Variants in CHODL observed in about 807,000 individuals in gnomAD.
CHODL encodes transmembrane protein MT75.
In CHODL, 29 loss-of-function variants were observed where a neutral mutation model predicts 34.5. That is an observed-to-expected ratio of 0.84 (90% confidence interval 0.63 to 1.15). The LOEUF is 1.15. Among genes scored for constraint, CHODL ranks in the 50% most tolerant of loss-of-function variants. The pLI is 0.00. For missense variants in CHODL, 332 were observed against 332.5 expected, an observed-to-expected ratio of 1.00 and a Z score of 0.01; for synonymous variants, 125 against 116.1, an observed-to-expected ratio of 1.08 and a Z score of -0.49.
At chr21:18,248,772 A>G (rs2074187754) in intron 1 of CHODL, among the ~76,000 whole-genome samples, 1 of 120,174 alleles carries the variant, frequency 8.3e-6, no homozygotes, top group Non-Finnish European at 1.6e-5. Context: ...GTTATATATA[A>G]TATATGTGTG....
chr21:18,027,795 C>T (rs895269663), intron 1 of CHODL: 5 of 152,354 alleles, frequency 3.3e-5, no homozygotes, highest in Non-Finnish European at 7.4e-5. Context: ...AGAGGAGAGC[C>T]CTCATGAATG....
intron 2 of CHODL, among the ~76,000 whole-genome samples, chr21:18,074,506 G>T (rs1384777624): frequency 6.6e-6 from 1 of 152,146 alleles, no homozygotes. Flanking sequence ...TTGCTATAAA[G>T]AATAGATGAT....
intron 1 of CHODL, among the ~76,000 whole-genome samples, chr21:17,991,550 T>C (rs1415913720): frequency 6.6e-6 from 1 of 152,128 alleles, no homozygotes; most frequent in Non-Finnish European, 1.5e-5. Flanking sequence ...ATTCCTCTAA[T>C]GATTAGTGAT....
At chr21:17,923,530 C>T (rs910390035) in intron 1 of CHODL, among the ~76,000 whole-genome samples, 4 of 148,322 alleles carry the variant, frequency 2.7e-5, no homozygotes, top group African/African-American at 1.0e-4. Context: ...GTCACAATCT[C>T]GGCTCACTGC....
chr21:18,023,180 G>T (rs954182999), intron 1 of CHODL, among the ~76,000 whole-genome samples: 1 of 152,278 alleles, frequency 6.6e-6, no homozygotes, highest in African/African-American at 2.4e-5. Context: ...AGGTGGGTCT[G>T]ATTGCTTAGC....
intron 1 of CHODL, among the ~76,000 whole-genome samples, chr21:17,930,879 G>A (rs1406456531): frequency 6.6e-6 from 1 of 152,164 alleles, no homozygotes; most frequent in African/African-American, 2.4e-5. Flanking sequence ...TGTCTGTATT[G>A]AGCTGAGGGA....
At position 18,123,559 on chromosome 21, in the gene CHODL, A is replaced by G. The variant is rs564893260; in HGVS notation, c.-45+95588A>G. ...CTAGTGAGGGTCATTCTGTGGCAGAAGGGCAGGCAGCAGAAATGAGCATGC... is the reference window on the plus strand; with the variant it reads ...CTAGTGAGGGTCATTCTGTGGCAGAGGGGCAGGCAGCAGAAATGAGCATGC... On this transcript the variant is annotated intron_variant, in intron 2 of 6. Coordinates refer to the CHODL transcript ENST00000400127. Among the ~76,000 whole-genome samples, 5 of 152,312 alleles carry G rather than the reference A, an allele frequency of 3.3e-5. No individual in the cohort carries two copies. In the East Asian group the frequency reaches 9.7e-4, roughly 29 times the overall value.
At chr21:18,233,127 T>C (rs8132112) in intron 2 of CHODL, among the ~76,000 whole-genome samples, 52,654 of 151,498 alleles carry the variant, frequency 0.35, 11,641 homozygotes, top group African/African-American at 0.64. Context: ...CTTCCCATTG[T>C]TCCCACTCTC....
chr21:17,957,771 T>G (rs2063503532), intron 1 of CHODL, among the ~76,000 whole-genome samples: 1 of 151,550 alleles, frequency 6.6e-6, no homozygotes, highest in South Asian at 2.1e-4. Flanking sequence ...TAGTGCAAAT[T>G]AGTTCTCAAA....
chr21:18,029,058 T>A (rs1455589546), intron 2 of CHODL, among the ~76,000 whole-genome samples: 1 of 152,198 alleles, frequency 6.6e-6, no homozygotes, highest in African/African-American at 2.4e-5. Context: ...TCACCTTCTT[T>A]AATTTCTTAG....
chr21:18,087,019 C>T (rs1012653580), intron 2 of CHODL, among the ~76,000 whole-genome samples: 1 of 152,126 alleles, frequency 6.6e-6, no homozygotes, highest in African/African-American at 2.4e-5. Flanking sequence ...GAGCTAGTCC[C>T]CAATCCTACA....
At chr21:17,970,933 T>C (rs1239058324) in intron 1 of CHODL, among the ~76,000 whole-genome samples, 14 of 152,068 alleles carry the variant, frequency 9.2e-5, no homozygotes, top group Admixed American at 8.5e-4. Flanking sequence ...CCTCCATGTG[T>C]CCATGTGTTT....
rs2073269112 is a variant in CHODL at position 18,174,133 on chromosome 21, A to ATATATATATATATATATATATCTTGG, written c.-44-82355_-44-82354insCTTGGTATATATATATATATATATAT. Among the ~76,000 whole-genome samples, 11 of 17,838 alleles carry ATATATATATATATATATATATCTTGG rather than the reference A, an allele frequency of 6.2e-4. 4 individuals carry two copies. Among genetic ancestry groups the ATATATATATATATATATATATCTTGG allele is most frequent in the Non-Finnish European group, 2.0e-3 (8 of 3,912 alleles). The allele number at this position is 17,838 out of a possible 152,430, so 11.7% of individuals were successfully genotyped here. On this transcript the variant is annotated intron_variant, in intron 2 of 6. Coordinates refer to the CHODL transcript ENST00000400127. ...TATATATATCTTGGTGTATATATATATATATATATATATATATATATATAT... is the reference window on the plus strand; with the variant it reads ...TATATATATCTTGGTGTATATATATATATATATATATATATATATATCTTGGTATATATATATATATATATATATAT...
chr21:18,203,292 G>A (rs2073675776), intron 2 of CHODL, among the ~76,000 whole-genome samples: 1 of 152,120 alleles, frequency 6.6e-6, no homozygotes, highest in South Asian at 2.1e-4. Context: ...GAAGATGTCA[G>A]CTTAGAGGGC....
chr21:17,931,210 A>G (rs1278372499), intron 1 of CHODL, among the ~76,000 whole-genome samples: 2 of 152,036 alleles, frequency 1.3e-5, no homozygotes, highest in East Asian at 3.9e-4. Context: ...CCTCCCAATA[A>G]ACCGAGATCA....
intron 2 of CHODL, among the ~76,000 whole-genome samples, chr21:18,040,856 G>A (rs187064348): frequency 9.9e-5 from 15 of 151,814 alleles, no homozygotes; most frequent in Non-Finnish European, 1.8e-4. Context: ...TTTCATGACT[G>A]ATTTCTCTTT....
intron 2 of CHODL, among the ~76,000 whole-genome samples, chr21:18,216,030 T>C (rs1425226689): frequency 6.6e-6 from 1 of 151,578 alleles, no homozygotes; most frequent in African/African-American, 2.4e-5. Flanking sequence ...TTTGCAATGC[T>C]AAGATATGCA....
At chr21:18,224,590 G>GTC (rs1313868027) in intron 2 of CHODL, among the ~76,000 whole-genome samples, 1 of 152,132 alleles carries the variant, frequency 6.6e-6, no homozygotes, top group Non-Finnish European at 1.5e-5. Context: ...TTAGGGTATA[G>GTC]TCTCTGGGAT....
intron 2 of CHODL, among the ~76,000 whole-genome samples, chr21:18,045,198 T>C (rs991296025): frequency 6.6e-6 from 1 of 151,878 alleles, no homozygotes; most frequent in African/African-American, 2.4e-5. Flanking sequence ...CAGAGGGAGC[T>C]AGAATTATCA....
Sources: gnomAD v4.1 joint callset for allele counts (sites outside exome capture counted in the v4.1 genomes callset) on GRCh38, gnomAD v4.1.1 for gene constraint, MANE v1.5 for transcripts, NCBI Gene and HGNC (gene_info 2026-07-23, HGNC 2026-07-21) for gene names.